Variants in THOC7 observed in about 807,000 individuals in gnomAD.
THOC7 encodes the protein NIF3L1-binding protein 1.
THOC7 carries 22 observed loss-of-function variants against 33.1 expected under a neutral mutation model. The observed-to-expected ratio is 0.66, with a 90% CI of 0.47 to 0.95. The LOEUF is 0.95. THOC7 is among the 40% of genes least tolerant of loss of function. The probability of loss-of-function intolerance (pLI) is 0.00; values close to 1 mark genes in which losing one functional copy is unlikely to be tolerated. For synonymous variants in THOC7, 77 were observed against 76.8 expected, an observed-to-expected ratio of 1.00 and a Z score of -0.01; for missense variants, 184 against 245.3, an observed-to-expected ratio of 0.75 and a Z score of 1.67.
intron 1 of THOC7, among the ~76,000 whole-genome samples, chr3:63,851,236 C>G (rs1702015948): frequency 6.6e-6 from 1 of 152,146 alleles, no homozygotes; most frequent in Admixed American, 6.5e-5. Context: ...AAAACTCAAA[C>G]AAACTTATAA....
chr3:63,856,346 T>C (rs925261493), intron 1 of THOC7, among the ~76,000 whole-genome samples: 4 of 152,040 alleles, frequency 2.6e-5, no homozygotes, highest in African/African-American at 4.8e-5. Flanking sequence ...CACAATAGGA[T>C]GATTATAGTC....
At chr3:63,859,999 T>C (rs1021637172) in intron 1 of THOC7, among the ~76,000 whole-genome samples, 2 of 152,228 alleles carry the variant, frequency 1.3e-5, no homozygotes, top group Admixed American at 6.5e-5. Context: ...AGACAGGGTC[T>C]AGCACTGTTG....
At chr3:63,858,107 C>T (rs1702145211) in intron 1 of THOC7, among the ~76,000 whole-genome samples, 1 of 152,178 alleles carries the variant, frequency 6.6e-6, no homozygotes, top group African/African-American at 2.4e-5. Flanking sequence ...CAGCAGCAAA[C>T]ACTTGCACAG....
chr3:63,838,460 T>A lies in THOC7; in HGVS notation c.177A>T (p.Gln59His). Reference protein sequence around the residue: ...QYQRMLSTLSQCEFSMGKTLL... With the variant: ...QYQRMLSTLSHCEFSMGKTLL... ...AAGTTTTGCCCATTGAAAATTCACA[T>A]TGAGACAGCGTGCTCAGCATACGTT... Residue 59 changes from glutamine (Q) to histidine (H), a missense_variant, in exon 3 of 8, where the codon CAA becomes CAT. Coordinates refer to ENST00000295899, the MANE Select transcript of THOC7 (RefSeq NM_025075.4). The A allele has an allele frequency of 6.2e-7, 1 of 1,610,584 alleles. No individual in the cohort carries two copies. The highest frequency in any genetic ancestry group is 8.5e-7 in the Non-Finnish European group (1 of 1,179,014).
intron 1 of THOC7, among the ~76,000 whole-genome samples, chr3:63,853,796 T>C (rs898308537): frequency 1.3e-5 from 2 of 151,568 alleles, no homozygotes; most frequent in African/African-American, 4.8e-5. Flanking sequence ...TAGTCCCAGC[T>C]ATTCGGGAAG....
intron 1 of THOC7, among the ~76,000 whole-genome samples, chr3:63,857,912 C>T (rs1049830782): frequency 6.6e-6 from 1 of 152,076 alleles, no homozygotes; most frequent in Non-Finnish European, 1.5e-5. Context: ...AACCAATTAT[C>T]TTGGCTAAAG....
At chr3:63,843,903 A>G (rs76757318) in intron 1 of THOC7, among the ~76,000 whole-genome samples, 1 of 146,914 alleles carries the variant, frequency 6.8e-6, no homozygotes, top group Non-Finnish European at 1.5e-5. Flanking sequence ...TCCGTCTCAG[A>G]AAAAAAAAAA....
intron 1 of THOC7, among the ~76,000 whole-genome samples, chr3:63,856,631 AG>A (rs1388333282): frequency 6.6e-6 from 1 of 152,218 alleles, no homozygotes; most frequent in Non-Finnish European, 1.5e-5. Flanking sequence ...CTGGTATACT[AG>A]CCAGCAGATA....
chr3:63,850,320 C>A (rs1409962378), intron 1 of THOC7, among the ~76,000 whole-genome samples: 2 of 151,744 alleles, frequency 1.3e-5, no homozygotes, highest in Non-Finnish European at 2.9e-5. Context: ...CCTGTCTCAG[C>A]CTCACAAGTA....
At chr3:63,850,610 C>T (rs1485225660) in intron 1 of THOC7, among the ~76,000 whole-genome samples, 2 of 115,680 alleles carry the variant, frequency 1.7e-5, no homozygotes, top group African/African-American at 7.0e-5. Context: ...TTTTTTGAGA[C>T]GAGTCTCGCT....
chr3:63,856,146 A>G (rs1164781888), intron 1 of THOC7, among the ~76,000 whole-genome samples: 1 of 152,184 alleles, frequency 6.6e-6, no homozygotes, highest in Non-Finnish European at 1.5e-5. Context: ...ATATAAAAGA[A>G]TAAGGTAGAT....
At chr3:63,844,164 T>TA (rs1701835856) in intron 1 of THOC7, among the ~76,000 whole-genome samples, 1 of 151,940 alleles carries the variant, frequency 6.6e-6, no homozygotes, top group African/African-American at 2.4e-5. Flanking sequence ...CTCACAGAAA[T>TA]AGAGAGTATA....
intron 1 of THOC7, among the ~76,000 whole-genome samples, chr3:63,840,901 C>T (rs1319700079): frequency 1.3e-5 from 2 of 152,218 alleles, no homozygotes; most frequent in African/African-American, 4.8e-5. Flanking sequence ...TAAAAACACA[C>T]TACCATTCTG....
chr3:63,834,253 T>C, intron 7 of THOC7, 54 bp from the exon 8 acceptor site: 1 of 1,541,708 alleles, frequency 6.5e-7, no homozygotes, highest in South Asian at 1.1e-5. Flanking sequence ...ATATTTTATA[T>C]TCGATGAACA....
intron 1 of THOC7, among the ~76,000 whole-genome samples, chr3:63,847,814 A>G (rs1701931989): frequency 6.6e-6 from 1 of 152,226 alleles, no homozygotes; most frequent in Admixed American, 6.5e-5. Flanking sequence ...AAGTTTAATG[A>G]AGAAACTGTA....
At chr3:63,850,807 A>G (rs890999972) in intron 1 of THOC7, among the ~76,000 whole-genome samples, 8 of 151,892 alleles carry the variant, frequency 5.3e-5, no homozygotes, top group Non-Finnish European at 1.0e-4. Flanking sequence ...GCTGGTCTCA[A>G]AAACTCGTGA....
intron 1 of THOC7, among the ~76,000 whole-genome samples, chr3:63,849,651 G>C (rs1225480650): frequency 6.6e-6 from 1 of 152,144 alleles, no homozygotes; most frequent in Admixed American, 6.5e-5. Flanking sequence ...AGGCAAATTG[G>C]TCTGTGATTA....
intron 1 of THOC7, among the ~76,000 whole-genome samples, chr3:63,840,524 A>G (rs893425540): frequency 6.6e-6 from 1 of 152,152 alleles, no homozygotes; most frequent in African/African-American, 2.4e-5. Context: ...CTCGGAGATC[A>G]AGGCTGCATT....
chr3:63,844,869 C>T (rs1575808327), intron 1 of THOC7, among the ~76,000 whole-genome samples: 1 of 152,276 alleles, frequency 6.6e-6, no homozygotes, highest in East Asian at 1.9e-4. Flanking sequence ...CTATTACAGC[C>T]TTGGAAAACA....
Sources: allele counts gnomAD v4.1 joint callset (sites outside exome capture counted in the v4.1 genomes callset), GRCh38; gene constraint gnomAD v4.1.1; transcripts MANE v1.5; gene names NCBI Gene and HGNC (gene_info 2026-07-23, HGNC 2026-07-21).